Variants in CSN1S1 observed in about 807,000 individuals in gnomAD.
CSN1S1 encodes the protein alpha-S1-casein.
Under a neutral mutation model 49.1 loss-of-function variants are expected in CSN1S1, and 63 were observed. The ratio of observed to expected loss-of-function variants is 1.28; its 90% CI spans 1.05 to 1.58. CSN1S1 has a LOEUF of 1.58. Among genes scored for constraint, CSN1S1 ranks in the 40% most tolerant of loss-of-function variants. The pLI is 0.00. For synonymous variants in CSN1S1, 78 were observed against 67.1 expected, an observed-to-expected ratio of 1.16 and a Z score of -0.79; for missense variants, 260 against 224.7, an observed-to-expected ratio of 1.16 and a Z score of -1.01.
chr4:69,934,087 C>T (rs1238865343), intron 2 of CSN1S1, 125 bp from the exon 3 acceptor site: 2 of 554,842 alleles, frequency 3.6e-6, no homozygotes, highest in African/African-American at 4.0e-5. Flanking sequence ...ACAAATATTG[C>T]TATTAAAACA....
At chr4:69,939,495 A>G (rs1722906967) in intron 10 of CSN1S1, among the ~76,000 whole-genome samples, 1 of 151,764 alleles carries the variant, frequency 6.6e-6, no homozygotes, top group African/African-American at 2.4e-5. Flanking sequence ...ATTTTGTTAA[A>G]ACTCAATCTT....
At chr4:69,944,127 C>A (rs1487319324) in intron 14 of CSN1S1, among the ~76,000 whole-genome samples, 1 of 151,894 alleles carries the variant, frequency 6.6e-6, no homozygotes, top group African/African-American at 2.4e-5. Flanking sequence ...TTTACATAGG[C>A]AGGTGTCCAC....
chr4:69,939,184 A>C lies in CSN1S1; in HGVS notation c.252A>C (p.Glu84Asp). 1 of 1,600,834 alleles carries C rather than the reference A, an allele frequency of 6.2e-7. No individual in the cohort carries two copies. ...AGATTTCTTTCTTTTAGAAGATGGAATCCAGCATCAGTTCATCGAGTGAGG... is the reference window on the plus strand; with the variant it reads ...AGATTTCTTTCTTTTAGAAGATGGACTCCAGCATCAGTTCATCGAGTGAGG... ...NCVVAEPEKMESSISSSSEEM... is the reference protein window; with the variant it reads ...NCVVAEPEKMDSSISSSSEEM... Residue 84 changes from glutamate (E) to aspartate (D), a missense_variant, in exon 10 of 16, where the codon GAA becomes GAC. Transcript: ENST00000246891.
chr4:69,945,582 A>G (rs146790223), intron 15 of CSN1S1, among the ~76,000 whole-genome samples: 300 of 152,136 alleles, frequency 2.0e-3, no homozygotes, highest in African/African-American at 6.9e-3. Flanking sequence ...TGATTTAGCA[A>G]ATCTTTATTA....
intron 4 of CSN1S1, among the ~76,000 whole-genome samples, chr4:69,935,375 C>T (rs373534104): frequency 4.2e-5 from 6 of 141,514 alleles, no homozygotes; most frequent in Non-Finnish European, 9.2e-5. Flanking sequence ...CCCGTCTCTA[C>T]AAAAAAAATT....
At chr4:69,937,733 T>G in intron 8 of CSN1S1, 67 bp from the exon 9 acceptor site, 2 of 1,222,982 alleles carry the variant, frequency 1.6e-6, no homozygotes, top group Non-Finnish European at 2.3e-6. Flanking sequence ...TTTTATTTGG[T>G]AATCATTACT....
Position 69,932,461 on chromosome 4 carries a change from T to C in CSN1S1, c.-12-83T>C, listed in dbSNP as rs1722636861. 6.6e-6 allele frequency: 8 copies of C among 1,214,312 alleles called. No individual in the cohort carries two copies. The East Asian group carries it at 1.3e-4, about 19-fold the overall frequency. The allele number at this position is 1,214,312 out of a possible 1,614,324, so 75.2% of individuals were successfully genotyped here. ...CCTACTTTTATCATAATTTGCTCCT[T>C]TGTTGAAAAATCAAGAATTTTTTTC... On this transcript the variant is annotated intron_variant, in intron 1 of 15. Coordinates refer to ENST00000246891, the MANE Select transcript of CSN1S1 (RefSeq NM_001890.2).
At chr4:69,937,761 G>T in intron 8 of CSN1S1, 39 bp from the exon 9 acceptor site, 2 of 1,528,002 alleles carry the variant, frequency 1.3e-6, no homozygotes, top group South Asian at 2.4e-5. Context: ...TTGACTATTT[G>T]TCATGAAAAA....
chr4:69,935,908 T>A lies in CSN1S1; in HGVS notation c.106-18T>A, dbSNP rs1296586315. On this transcript the variant is annotated intron_variant, in intron 4 of 15. Coordinates refer to ENST00000246891, the MANE Select transcript of CSN1S1 (RefSeq NM_001890.2). ...ACTCAACTATGAATGAATTTTAACA[T>A]AACTTTTTTTTTTGTAGCCTATACC... 6.7e-7 allele frequency: 1 copy of A among 1,489,510 alleles called. No homozygotes were observed. Among genetic ancestry groups the A allele is most frequent in the East Asian group, 2.5e-5 (1 of 40,518 alleles). The allele number at this position is 1,489,510 out of a possible 1,614,324, so 92.3% of individuals were successfully genotyped here. A position where few individuals can be genotyped will look rare whatever the true frequency, so the allele number is the denominator to read the frequency against.
At chr4:69,945,547 G>C (rs1414096777) in intron 15 of CSN1S1, among the ~76,000 whole-genome samples, 1 of 151,884 alleles carries the variant, frequency 6.6e-6, no homozygotes, top group Non-Finnish European at 1.5e-5. Flanking sequence ...AATAAACACT[G>C]AATAGGTAAA....
Position 69,940,020 on chromosome 4 carries a change from G to C in CSN1S1, c.277-1G>C, listed in dbSNP as rs1438885496. The C allele has an allele frequency of 7.3e-7, 1 of 1,369,532 alleles. No individual in the cohort carries two copies. The highest frequency in any genetic ancestry group is 2.6e-5 in the Admixed American group (1 of 39,202). The allele number at this position is 1,369,532 out of a possible 1,614,324, so 84.8% of individuals were successfully genotyped here. On this transcript the variant is annotated splice_acceptor_variant, in intron 10 of 15. Transcript: ENST00000246891. LOFTEE classifies it high-confidence loss of function. ...CTATGCATGTTTTAATTTTTTTAAA[G>C]GAAATGTCTCTCAGTAAGTGTGCGG...
At chr4:69,941,982 A>T (rs1722982497) in intron 12 of CSN1S1, 64 bp from the exon 13 acceptor site, 1 of 1,078,896 alleles carries the variant, frequency 9.3e-7, no homozygotes, top group Admixed American at 2.6e-5. Context: ...GTACCCAGCA[A>T]ATGTTTCTTA....
At chr4:69,934,733 C>A in intron 4 of CSN1S1, 23 bp downstream of exon 4, 1 of 1,602,570 alleles carries the variant, frequency 6.2e-7, no homozygotes, top group East Asian at 2.2e-5. Context: ...TATGGGGAGT[C>A]AGGATTCTCT....
intron 11 of CSN1S1, 101 bp from the exon 12 acceptor site, chr4:69,940,918 T>C: frequency 1.6e-6 from 1 of 616,334 alleles, no homozygotes; most frequent in South Asian, 2.3e-5. Flanking sequence ...TTCTCTACCC[T>C]TGGGAAAGAG....
intron 12 of CSN1S1, 41 bp from the exon 13 acceptor site, chr4:69,942,005 T>C: frequency 7.4e-7 from 1 of 1,347,398 alleles, no homozygotes; most frequent in Non-Finnish European, 1.0e-6. Flanking sequence ...AATGAGTAAA[T>C]AAAATGAAAA....
rs60873341 is a variant in CSN1S1 at position 69,946,444 on chromosome 4, GT to G, written c.*252del. The G allele has an allele frequency of 0.35, 77,529 of 223,802 alleles. 14,433 individuals are homozygous for G. The highest frequency in any genetic ancestry group is 0.46 in the South Asian group (2,489 of 5,380). 13.9% of individuals were successfully genotyped at this position (223,802 alleles called of 1,614,324 possible). ...CAGAGGGTATTAAAGTGTTTACTAAGTTTTCTAGTGGACATTTTGTTTAAAA... is the reference window on the plus strand; with the variant it reads ...CAGAGGGTATTAAAGTGTTTACTAAGTTTCTAGTGGACATTTTGTTTAAAA... On this transcript the variant is annotated 3_prime_UTR_variant, in exon 16 of 16. Transcript: ENST00000246891.
At chr4:69,934,371 G>T (rs1250136704) in intron 3 of CSN1S1, 127 bp downstream of exon 3, 1 of 892,192 alleles carries the variant, frequency 1.1e-6, no homozygotes, top group Non-Finnish European at 1.8e-6. Context: ...TTTAGTTCAA[G>T]CACTGTCAGA....
At chr4:69,943,444 CA>C (rs1179371739) in intron 14 of CSN1S1, among the ~76,000 whole-genome samples, 1 of 151,862 alleles carries the variant, frequency 6.6e-6, no homozygotes, top group East Asian at 1.9e-4. Flanking sequence ...CTTGGCCTCC[CA>C]AAGTGCTGGG....
intron 3 of CSN1S1, 88 bp from the exon 4 acceptor site, chr4:69,934,602 T>A: frequency 8.2e-7 from 1 of 1,221,566 alleles, no homozygotes; most frequent in Non-Finnish European, 1.2e-6. Flanking sequence ...ATTAGTTACC[T>A]CTACCACAAC....
Sources: allele counts gnomAD v4.1 joint callset (sites outside exome capture counted in the v4.1 genomes callset), GRCh38; gene constraint gnomAD v4.1.1; transcripts MANE v1.5; gene names NCBI Gene and HGNC (gene_info 2026-07-23, HGNC 2026-07-21).